SNTG1: variants seen among roughly 807,000 people sequenced by gnomAD.
SNTG1 encodes the protein gamma-1-syntrophin.
Under a neutral mutation model 74.7 loss-of-function variants are expected in SNTG1, and 39 were observed. The observed-to-expected ratio is 0.52, with a 90% CI of 0.40 to 0.68. SNTG1 has a LOEUF of 0.68. Among genes scored for constraint, SNTG1 ranks in the 30% least tolerant of loss-of-function variants. SNTG1 has a pLI of 0.00. For synonymous variants in SNTG1, 254 were observed against 217.1 expected (o/e 1.17, Z -1.49); for missense variants, 685 against 609.5 (o/e 1.12, Z -1.30).
chr8:50,571,302 T>G lies in SNTG1; in HGVS notation c.810+18123T>G, dbSNP rs547922662. On this transcript the variant is annotated intron_variant, in intron 12 of 18. Transcript: ENST00000642720. The stretch of plus-strand genomic sequence containing the variant: ...CCCAAAGAGACCGAAGCTAACTCCC[T>G]GGGACCTGCCTCCTGTCCCGGGCTC... Among the ~76,000 whole-genome samples, 21 of 152,292 alleles carry G rather than the reference T, an allele frequency of 1.4e-4. No individual in the cohort carries two copies. In the South Asian group the frequency reaches 3.1e-3, roughly 23 times the overall value.
chr8:50,451,425 G>A (rs952367720), intron 8 of SNTG1, among the ~76,000 whole-genome samples: 23 of 152,032 alleles, frequency 1.5e-4, no homozygotes, highest in African/African-American at 5.6e-4. Flanking sequence ...AAATGGAAGG[G>A]CATATAAAGA....
At chr8:50,276,824 G>A (rs1370509187) in intron 2 of SNTG1, among the ~76,000 whole-genome samples, 1 of 151,992 alleles carries the variant, frequency 6.6e-6, no homozygotes, top group Admixed American at 6.6e-5. Flanking sequence ...GTTGAGCATG[G>A]TGGTGCATTC....
chr8:50,494,767 A>G (rs1325566184), intron 8 of SNTG1, among the ~76,000 whole-genome samples: 1 of 152,122 alleles, frequency 6.6e-6, no homozygotes, highest in Admixed American at 6.5e-5. Flanking sequence ...CTTTTATTAC[A>G]TAAAATCTTG....
intron 2 of SNTG1, among the ~76,000 whole-genome samples, chr8:50,215,283 C>A (rs1389716514): frequency 1.3e-5 from 2 of 151,210 alleles, no homozygotes; most frequent in Non-Finnish European, 1.5e-5. Flanking sequence ...TTAAAATATC[C>A]ATCTGGGAAA....
At chr8:50,728,512 G>A (rs115476662) in intron 17 of SNTG1, among the ~76,000 whole-genome samples, 3,819 of 152,242 alleles carry the variant, frequency 0.025, 63 homozygotes, top group Middle Eastern at 0.041. Context: ...GGGGTGAAAA[G>A]AGCCCAATAT....
chr8:50,532,600 C>T (rs892928260), intron 10 of SNTG1, among the ~76,000 whole-genome samples: 4 of 152,170 alleles, frequency 2.6e-5, no homozygotes, highest in African/African-American at 9.7e-5. Context: ...GTAATCAGAC[C>T]GTGCAGGCTT....
At chr8:50,525,069 A>G (rs2094209378) in intron 9 of SNTG1, among the ~76,000 whole-genome samples, 2 of 152,096 alleles carry the variant, frequency 1.3e-5, no homozygotes, top group Admixed American at 1.3e-4. Flanking sequence ...TCTAGTGGTG[A>G]TGAAGTCCCA....
chr8:50,068,671 T>C (rs1821101929), intron 1 of SNTG1, among the ~76,000 whole-genome samples: 1 of 152,158 alleles, frequency 6.6e-6, no homozygotes, highest in Non-Finnish European at 1.5e-5. Context: ...TGCCCAATTG[T>C]GGTAGGATTC....
chr8:50,404,433 A>G (rs995651810), intron 4 of SNTG1, among the ~76,000 whole-genome samples: 1 of 152,124 alleles, frequency 6.6e-6, no homozygotes, highest in Non-Finnish European at 1.5e-5. Flanking sequence ...ATGGAAATAT[A>G]AAGGACTTAC....
rs184858924 is a variant in SNTG1 at position 50,451,049 on chromosome 8, T to C, written c.363+320T>C. ...ATACATCTCTAAATCTCTGTAAATGTTTAAAAGCTTATAAACCATACATTT... is the reference window on the plus strand; with the variant it reads ...ATACATCTCTAAATCTCTGTAAATGCTTAAAAGCTTATAAACCATACATTT... On this transcript the variant is annotated intron_variant, in intron 8 of 18. Transcript: ENST00000642720. Among the ~76,000 whole-genome samples the C allele has an allele frequency of 2.1e-3, 316 of 152,250 alleles. 5 individuals carry two copies. The highest frequency in any genetic ancestry group is 7.1e-3 in the African/African-American group (296 of 41,552).
chr8:50,156,414 A>C (rs1262821985), intron 1 of SNTG1, among the ~76,000 whole-genome samples: 2 of 152,098 alleles, frequency 1.3e-5, no homozygotes, highest in Non-Finnish European at 1.5e-5. Context: ...ATTGAGCAAT[A>C]CATAAAAGGA....
intron 11 of SNTG1, among the ~76,000 whole-genome samples, chr8:50,541,040 A>C (rs1223122194): frequency 1.3e-5 from 2 of 152,088 alleles, no homozygotes; most frequent in Admixed American, 6.6e-5. Flanking sequence ...TATTTTGATT[A>C]TACATCTTAT....
In SNTG1 at chr8:50,109,514, C is replaced by T. The variant is rs117308945; in HGVS notation, c.-102-63047C>T. On this transcript the variant is annotated intron_variant, in intron 1 of 18. Transcript: ENST00000642720. ...ATTTTCTAGTTAGATCAAGAGTTCT[C>T]AAATTATGTTCTGCAGCATTTAGCA... is the stretch of plus-strand genomic sequence containing the variant. Among the ~76,000 whole-genome samples the T allele has an allele frequency of 3.4e-3, 523 of 152,178 alleles. 5 individuals carry two copies. In the East Asian group the frequency reaches 0.05, roughly 15 times the overall value.
chr8:50,067,143 G>A (rs1002119961), intron 1 of SNTG1, among the ~76,000 whole-genome samples: 1 of 152,012 alleles, frequency 6.6e-6, no homozygotes, highest in African/African-American at 2.4e-5. Flanking sequence ...ATGTGATTTT[G>A]CATTTAGTAT....
chr8:50,206,029 T>G (rs1378930197), intron 2 of SNTG1, among the ~76,000 whole-genome samples: 1 of 152,162 alleles, frequency 6.6e-6, no homozygotes, highest in Non-Finnish European at 1.5e-5. Flanking sequence ...TCTTTTGGCT[T>G]AGGGTTGACT....
chr8:50,761,877 A>G (rs1193124430), intron 18 of SNTG1, among the ~76,000 whole-genome samples: 1 of 152,010 alleles, frequency 6.6e-6, no homozygotes, highest in Admixed American at 6.6e-5. Flanking sequence ...GACCTTACAG[A>G]TCAATAAAAT....
At chr8:50,177,806 C>T (rs1400397018) in intron 2 of SNTG1, among the ~76,000 whole-genome samples, 2 of 152,176 alleles carry the variant, frequency 1.3e-5, no homozygotes, top group Non-Finnish European at 2.9e-5. Context: ...TATCATGGAA[C>T]CATCATTACA....
At chr8:50,772,756 G>T (rs2095630394) in intron 18 of SNTG1, among the ~76,000 whole-genome samples, 1 of 152,126 alleles carries the variant, frequency 6.6e-6, no homozygotes, top group South Asian at 2.1e-4. Context: ...GAACTGTTCA[G>T]GTCATGGGGG....
chr8:50,041,676 T>C (rs574529937), intron 1 of SNTG1, among the ~76,000 whole-genome samples: 1 of 152,324 alleles, frequency 6.6e-6, no homozygotes, highest in South Asian at 2.1e-4. Context: ...TGTGGAACCA[T>C]ATTTGTGTCC....
Sources: gnomAD v4.1 joint callset for allele counts (sites outside exome capture counted in the v4.1 genomes callset) on GRCh38, gnomAD v4.1.1 for gene constraint, MANE v1.5 for transcripts, NCBI Gene and HGNC (gene_info 2026-07-23, HGNC 2026-07-21) for gene names.